USH1G: variants seen among roughly 807,000 people sequenced by gnomAD.
USH1G encodes USH1 protein network component sans.
A neutral mutation model predicts 31.9 loss-of-function variants in USH1G; 27 were observed. That is an observed-to-expected ratio of 0.85 (90% CI 0.62 to 1.17). The LOEUF (loss-of-function observed/expected upper bound fraction) is 1.17. Among genes scored for constraint, USH1G ranks in the 50% most tolerant of loss-of-function variants. The probability of loss-of-function intolerance (pLI) is 0.00; values close to 1 mark genes in which losing one functional copy is unlikely to be tolerated. For missense variants in USH1G, 674 were observed against 638.9 expected, an observed-to-expected ratio of 1.05 and a Z score of -0.59; for synonymous variants, 266 against 283.2, an observed-to-expected ratio of 0.94 and a Z score of 0.61.
In USH1G at chr17:74,919,586, G is replaced by A; in HGVS notation, c.1250C>T (p.Ala417Val). 1 of 1,612,750 alleles carries A rather than the reference G, an allele frequency of 6.2e-7. No individual in the cohort carries two copies. The highest frequency in any genetic ancestry group is 1.3e-5 in the African/African-American group (1 of 75,050). Residue 417 changes from alanine (A) to valine (V), a missense_variant, in exon 2 of 3, where the codon GCT becomes GTT. Coordinates refer to ENST00000614341, the MANE Select transcript of USH1G (RefSeq NM_173477.5). The surrounding 1 kb of genome is among the most constrained non-coding windows in gnomAD (Gnocchi z 4.5). The part of the protein sequence containing the change: ...LLRQEKIDLE[A>V]LMLCSDLDLR... ...GTCGAGGTCAGAGCACAGCATCAAA[G>A]CCTCGAGGTCGATCTTCTCCTGCCG...
rs886043212 is a variant in USH1G, at chr17:74,920,314, G to T, written c.522C>A (p.Asp174Glu). The change falls in exon 2 of 3, where the codon GAC becomes GAA. Residue 174 changes from aspartate to glutamate, a missense_variant. Asp to Glu is a conservative substitution (Grantham distance 45). Coordinates refer to ENST00000614341, the MANE Select transcript of USH1G (RefSeq NM_173477.5). The surrounding 1 kb of genome is among the most constrained non-coding windows in gnomAD (Gnocchi z 5.2). ...RYRRELAERSDTLSFSSLTSS... is the reference protein window; with the variant it reads ...RYRRELAERSETLSFSSLTSS... ...ACGTGAGGCTGGAGAAGCTGAGGGT[G>T]TCGGAACGCTCGGCCAGCTCGCGCC... is the stretch of plus-strand genomic sequence containing the variant. The T allele has an allele frequency of 1.4e-5, 23 of 1,607,632 alleles. No homozygotes were observed. The highest frequency in any genetic ancestry group is 1.5e-5 in the Non-Finnish European group (18 of 1,178,894).
At position 74,918,038 on chromosome 17, in the gene USH1G, G is replaced by A. The variant is rs1201144337; in HGVS notation, c.*35C>T. 5 of 1,613,864 alleles carry A rather than the reference G, an allele frequency of 3.1e-6. No individual in the cohort carries two copies. The East Asian group carries it at 1.1e-4, about 36-fold the overall frequency. On this transcript the variant is annotated 3_prime_UTR_variant, in exon 3 of 3. Coordinates refer to ENST00000614341, the MANE Select transcript of USH1G (RefSeq NM_173477.5). This position sits in a 1 kb window ranked among gnomAD's most constrained non-coding sequence, Gnocchi z 4.1. Reference sequence around the variant, plus strand: ...ACCCCACCATAGGTTGTGGCAACTTGCAATTCATTTTGGTCTGGGGAGAGG... The same window carrying A: ...ACCCCACCATAGGTTGTGGCAACTTACAATTCATTTTGGTCTGGGGAGAGG...
Position 74,919,665 on chromosome 17 carries a change from G to A in USH1G, c.1171C>T (p.Pro391Ser). ...AGAGAGGCCAGGAAGGTCTCCAGCG[G>A]GCTAGTCTCGGGCTCCAGGTCCTCG... Reference protein sequence around the residue: ...LDEDLEPETSPLETFLASLHM... With the variant: ...LDEDLEPETSSLETFLASLHM... The change falls in exon 2 of 3, where the codon CCG becomes TCG. Residue 391 changes from proline (P) to serine (S), a missense_variant. Transcript: ENST00000614341. The surrounding 1 kb of genome is among the most constrained non-coding windows in gnomAD (Gnocchi z 4.5). 6.2e-7 allele frequency: 1 copy of A among 1,612,820 alleles called. No homozygotes were observed. Among genetic ancestry groups the A allele is most frequent in the South Asian group, 1.1e-5 (1 of 91,090 alleles).
In USH1G at chr17:74,923,227, G is replaced by A. The variant is rs2038968589; in HGVS notation, c.-154C>T. On this transcript the variant is annotated 5_prime_UTR_variant, in exon 1 of 3. Transcript: ENST00000614341. The surrounding 1 kb of genome is among the most constrained non-coding windows in gnomAD (Gnocchi z 5.3). Reference sequence around the variant, plus strand: ...CGCTGCCGCAGACGGAGGGTGCGGAGCGCCAGAGCCGCGACTACCAAGACA... The same window carrying A: ...CGCTGCCGCAGACGGAGGGTGCGGAACGCCAGAGCCGCGACTACCAAGACA... The A allele has an allele frequency of 6.1e-6, 2 of 327,948 alleles. No homozygotes were observed. The highest frequency in any genetic ancestry group is 4.7e-5 in the African/African-American group (2 of 42,476). 20.3% of individuals were successfully genotyped at this position (327,948 alleles called of 1,614,324 possible). A position where few individuals can be genotyped will look rare whatever the true frequency, so the allele number is the denominator to read the frequency against.
chr17:74,920,091 G>C lies in USH1G; in HGVS notation c.745C>G (p.Leu249Val), dbSNP rs1330643034. ...KSARSLSGLQ[L>V]GSDVMFVRQG... ...CGCACGAACATCACGTCGCTGCCCA[G>C]CTGCAGGCCCGAGAGCGAGCGGGCG... The change falls in exon 2 of 3, where the codon CTG (leucine) becomes GTG (valine). Residue 249 changes from leucine to valine, a missense_variant. Leu to Val is a conservative substitution (Grantham distance 32, BLOSUM62 1). Transcript: ENST00000614341. The surrounding 1 kb of genome is among the most constrained non-coding windows in gnomAD (Gnocchi z 5.2). The C allele has an allele frequency of 6.2e-7, 1 of 1,604,964 alleles. No homozygotes were observed. Among genetic ancestry groups the C allele is most frequent in the South Asian group, 1.1e-5 (1 of 91,040 alleles).
rs971548417 is a variant in USH1G at position 74,919,490 on chromosome 17, G to C, written c.1346C>G (p.Ala449Gly). ...ILGAVRRRRQ[A>G]MERPPALEDT... ...CTCCAGGGCCGGCGGGCGCTCCATC[G>C]CCTGCCGCCGCCTCCTCACGGCCCC... The change falls in exon 2 of 3, where the codon GCG becomes GGG. Residue 449 changes from alanine to glycine, a missense_variant. Transcript: ENST00000614341. This position sits in a 1 kb window ranked among gnomAD's most constrained non-coding sequence, Gnocchi z 4.5. 8 of 1,608,686 alleles carry C rather than the reference G, an allele frequency of 5.0e-6. No homozygotes were observed. The African/African-American group carries it at 9.4e-5, about 19-fold the overall frequency.
At position 74,918,181 on chromosome 17, in the gene USH1G, G is replaced by C. The variant is rs1005223262; in HGVS notation, c.1383-105C>G. On this transcript the variant is annotated intron_variant, in intron 2 of 2. Transcript: ENST00000614341. The surrounding 1 kb of genome is among the most constrained non-coding windows in gnomAD (Gnocchi z 4.1). The stretch of plus-strand genomic sequence containing the variant: ...GGACAACTTAGCCTCCCCATCTCTC[G>C]GCAGGCCAATTGTCAGGGATGGGGG... 6.6e-7 allele frequency: 1 copy of C among 1,506,650 alleles called. No individual in the cohort carries two copies. Among genetic ancestry groups the C allele is most frequent in the Non-Finnish European group, 9.1e-7 (1 of 1,099,372 alleles). The allele number at this position is 1,506,650 out of a possible 1,614,324, so 93.3% of individuals were successfully genotyped here. A position where few individuals can be genotyped will look rare whatever the true frequency, so the allele number is the denominator to read the frequency against.
chr17:74,920,743 G>C lies in USH1G; in HGVS notation c.165-72C>G. The stretch of plus-strand genomic sequence containing the variant: ...GGATGGAGGTGGAGGGAGTGGAGGG[G>C]GGAGGGGAGCTTCCCCACTGTCACA... On this transcript the variant is annotated intron_variant, in intron 1 of 2. Coordinates refer to ENST00000614341, the MANE Select transcript of USH1G (RefSeq NM_173477.5). This position sits in a 1 kb window ranked among gnomAD's most constrained non-coding sequence, Gnocchi z 5.2. The C allele has an allele frequency of 1.9e-6, 3 of 1,589,008 alleles. No individual in the cohort carries two copies. The South Asian group carries it at 3.4e-5, about 18-fold the overall frequency.
In USH1G at chr17:74,919,793, C is replaced by A. The variant is rs1186603561; in HGVS notation, c.1043G>T (p.Ser348Ile). 6.2e-7 allele frequency: 1 copy of A among 1,612,706 alleles called. No individual in the cohort carries two copies. Residue 348 changes from serine (S) to isoleucine (I), a missense_variant, in exon 2 of 3, where the codon AGC becomes ATC. Transcript: ENST00000614341. The surrounding 1 kb of genome is among the most constrained non-coding windows in gnomAD (Gnocchi z 4.5). ...GCTGTCATCGTCCAGGCTGGGGGAG[C>A]TCTGCAGCCGACCCCGCGGCGCTCC... The part of the protein sequence containing the change: ...GVGAPRGRLQ[S>I]SPSLDDDSLG...
Position 74,918,681 on chromosome 17 carries a change from G to C in USH1G, c.1383-605C>G, listed in dbSNP as rs766493605. Among the ~76,000 whole-genome samples, 19 of 152,154 alleles carry C rather than the reference G, an allele frequency of 1.2e-4. No homozygotes were observed. Among genetic ancestry groups the C allele is most frequent in the Non-Finnish European group, 1.9e-4 (13 of 68,030 alleles). ...AAAATACAGAAATTAGCTGGGCATG[G>C]TGGTGCACTCCTGTAATCCCAGCTA... is the stretch of plus-strand genomic sequence containing the variant. On this transcript the variant is annotated intron_variant, in intron 2 of 2. Transcript: ENST00000614341. This position sits in a 1 kb window ranked among gnomAD's most constrained non-coding sequence, Gnocchi z 4.1.
At position 74,919,355 on chromosome 17, in the gene USH1G, T is replaced by TGGG; in HGVS notation, c.1382+98_1382+99insCCC. ...CATTTCGATTTTATGAAATACAGTATCCCCCACCCCCTACTCCTGAATAGG... is the reference window on the plus strand; with the variant it reads ...CATTTCGATTTTATGAAATACAGTATGGGCCCCCACCCCCTACTCCTGAATAGG... On this transcript the variant is annotated intron_variant, in intron 2 of 2. Coordinates refer to ENST00000614341, the MANE Select transcript of USH1G (RefSeq NM_173477.5). The surrounding 1 kb of genome is among the most constrained non-coding windows in gnomAD (Gnocchi z 4.5). 6.9e-7 allele frequency: 1 copy of TGGG among 1,440,906 alleles called. No individual in the cohort carries two copies. Among genetic ancestry groups the TGGG allele is most frequent in the Non-Finnish European group, 9.2e-7 (1 of 1,090,356 alleles). 89.3% of individuals were successfully genotyped at this position (1,440,906 alleles called of 1,614,324 possible).
chr17:74,920,124 GC>G lies in USH1G; in HGVS notation c.711del (p.Arg238AlafsTer16), dbSNP rs2144754031. 1.9e-6 allele frequency: 3 copies of G among 1,602,812 alleles called. No homozygotes were observed. The highest frequency in any genetic ancestry group is 8.5e-7 in the Non-Finnish European group (1 of 1,179,766). Reference sequence around the variant, plus strand: ...CCCGAGAGCGAGCGGGCGCTCTTGCGCCCATCCTCGGAGACCTTGAAGGTGC... The same window carrying G: ...CCCGAGAGCGAGCGGGCGCTCTTGCGCCATCCTCGGAGACCTTGAAGGTGC... Reference protein sequence around the residue: ...GEGTFKVSEDGRKSARSLSGL... With the variant: ...GEGTFKVSEDXRKSARSLSGL... On this transcript the variant is annotated frameshift_variant, in exon 2 of 3. Transcript: ENST00000614341. LOFTEE classifies it high-confidence loss of function. This position sits in a 1 kb window ranked among gnomAD's most constrained non-coding sequence, Gnocchi z 5.2.
chr17:74,918,851 G>A lies in USH1G; in HGVS notation c.1382+603C>T, dbSNP rs1200692946. On this transcript the variant is annotated intron_variant, in intron 2 of 2. Coordinates refer to ENST00000614341, the MANE Select transcript of USH1G (RefSeq NM_173477.5). The surrounding 1 kb of genome is among the most constrained non-coding windows in gnomAD (Gnocchi z 4.1). ...AATCTGCCTGAGGTCTTGGGCAATT[G>A]AGAGGCCCTGCTGACTGCACGCCCT... Among the ~76,000 whole-genome samples, 2 of 151,242 alleles carry A rather than the reference G, an allele frequency of 1.3e-5. No homozygotes were observed. Among genetic ancestry groups the A allele is most frequent in the African/African-American group, 2.4e-5 (1 of 41,148 alleles).
At position 74,920,841 on chromosome 17, in the gene USH1G, AGGTGAGCCCAGG is replaced by A. The variant is rs777933989; in HGVS notation, c.165-182_165-171del. On this transcript the variant is annotated intron_variant, in intron 1 of 2. Transcript: ENST00000614341. This position sits in a 1 kb window ranked among gnomAD's most constrained non-coding sequence, Gnocchi z 5.2. The stretch of plus-strand genomic sequence containing the variant: ...GACCTGCAGGCCTGAGCCACCCAAC[AGGTGAGCCCAGG>A]GGTGAGCCCAGGGGAAAATGGCCTC... 2.2e-4 allele frequency among the ~76,000 whole-genome samples: 33 copies of A among 152,242 alleles called. No homozygotes were observed. Among genetic ancestry groups the A allele is most frequent in the South Asian group, 4.1e-4 (2 of 4,822 alleles).
rs1442121114 is a variant in USH1G, at chr17:74,921,257, G to A, written c.165-586C>T. Among the ~76,000 whole-genome samples, 1 of 152,054 alleles carries A rather than the reference G, an allele frequency of 6.6e-6. No homozygotes were observed. The highest frequency in any genetic ancestry group is 2.4e-5 in the African/African-American group (1 of 41,398). On this transcript the variant is annotated intron_variant, in intron 1 of 2. Coordinates refer to ENST00000614341, the MANE Select transcript of USH1G (RefSeq NM_173477.5). The surrounding 1 kb of genome is among the most constrained non-coding windows in gnomAD (Gnocchi z 4.6). ...AAGCCCGAGTGTGAGAGGAGGTGTC[G>A]GGCCTTGGCCTGGGCGGGGAGGGGA... is the stretch of plus-strand genomic sequence containing the variant.
At position 74,919,419 on chromosome 17, in the gene USH1G, G is replaced by A. The variant is rs2038902064; in HGVS notation, c.1382+35C>T. On this transcript the variant is annotated intron_variant, in intron 2 of 2. Coordinates refer to ENST00000614341, the MANE Select transcript of USH1G (RefSeq NM_173477.5). The surrounding 1 kb of genome is among the most constrained non-coding windows in gnomAD (Gnocchi z 4.5). ...CCTCCCCAGGGGCCTTCCAACTCCT[G>A]CTCCTCCATCCCCCCCGCCAGGCTG... 2 of 1,564,354 alleles carry A rather than the reference G, an allele frequency of 1.3e-6. No homozygotes were observed. The highest frequency in any genetic ancestry group is 1.4e-5 in the African/African-American group (1 of 68,990).
Position 74,920,030 on chromosome 17 carries a change from C to T in USH1G, c.806G>A (p.Arg269Gln), listed in dbSNP as rs753080270. 5 of 1,611,198 alleles carry T rather than the reference C, an allele frequency of 3.1e-6. No homozygotes were observed. Among genetic ancestry groups the T allele is most frequent in the Non-Finnish European group, 4.2e-6 (5 of 1,179,730 alleles). ...GAGGAACATGTCCCGGAGCGGGGCT[C>T]GGCCCCACTCCTTGGGATTGGCGTA... ...GTYANPKEWG[R>Q]APLRDMFLSD... The change falls in exon 2 of 3, where the codon CGA becomes CAA. Residue 269 changes from arginine to glutamine, a missense_variant. By Grantham distance (43) the Arg-to-Gln change is conservative (BLOSUM62 1). Coordinates refer to ENST00000614341, the MANE Select transcript of USH1G (RefSeq NM_173477.5). The surrounding 1 kb of genome is among the most constrained non-coding windows in gnomAD (Gnocchi z 5.2).
rs548148384 is a variant in USH1G, at chr17:74,921,506, G to A, written c.165-835C>T. Reference sequence around the variant, plus strand: ...CCTCCGGAGCTCTCCCTCCCTTGGGGGCCCAGCACAGCACCCCTGCCCTGC... The same window carrying A: ...CCTCCGGAGCTCTCCCTCCCTTGGGAGCCCAGCACAGCACCCCTGCCCTGC... On this transcript the variant is annotated intron_variant, in intron 1 of 2. Transcript: ENST00000614341. The surrounding 1 kb of genome is among the most constrained non-coding windows in gnomAD (Gnocchi z 4.6). 6.6e-5 allele frequency among the ~76,000 whole-genome samples: 10 copies of A among 152,206 alleles called. No individual in the cohort carries two copies. The highest frequency in any genetic ancestry group is 2.4e-4 in the African/African-American group (10 of 41,530).
rs1371374167 is a variant in USH1G, at chr17:74,918,182, G to T, written c.1383-106C>A. The stretch of plus-strand genomic sequence containing the variant: ...GACAACTTAGCCTCCCCATCTCTCG[G>T]CAGGCCAATTGTCAGGGATGGGGGA... On this transcript the variant is annotated intron_variant, in intron 2 of 2. Coordinates refer to ENST00000614341, the MANE Select transcript of USH1G (RefSeq NM_173477.5). The surrounding 1 kb of genome is among the most constrained non-coding windows in gnomAD (Gnocchi z 4.1). The T allele has an allele frequency of 6.7e-7, 1 of 1,502,466 alleles. No homozygotes were observed. Among genetic ancestry groups the T allele is most frequent in the Non-Finnish European group, 9.1e-7 (1 of 1,095,912 alleles). 93.1% of individuals were successfully genotyped at this position (1,502,466 alleles called of 1,614,324 possible).
Sources: allele counts gnomAD v4.1 joint callset (sites outside exome capture counted in the v4.1 genomes callset), GRCh38; gene constraint gnomAD v4.1.1; non-coding constraint Gnocchi (gnomAD v3.1); transcripts MANE v1.5; gene names NCBI Gene and HGNC (gene_info 2026-07-23, HGNC 2026-07-21).